UMAD1: variants seen among roughly 807,000 people sequenced by gnomAD.
UMAD1 encodes UBAP1-MVB12-associated (UMA)-domain containing protein 1.
A neutral mutation model predicts 6.1 loss-of-function variants in UMAD1; 8 were observed. The ratio of observed to expected loss-of-function variants is 1.30; its 90% CI spans 0.76 to 2.35. UMAD1 has a LOEUF of 2.35. UMAD1 is among the 30% of genes most tolerant of loss of function. The pLI is 0.00. For synonymous variants in UMAD1, 56 were observed against 31.4 expected (o/e 1.78, Z -2.61); for missense variants, 130 against 78.4 (o/e 1.66, Z -2.49).
chr7:7,678,742 G>T, intron 2 of UMAD1, among the ~76,000 whole-genome samples: 10 of 116,138 alleles, frequency 8.6e-5, no homozygotes, highest in African/African-American at 1.1e-4. Flanking sequence ...TATATATTTA[G>T]TTTATAAATA....
chr7:7,824,938 A>C (rs995573113), intron 3 of UMAD1, among the ~76,000 whole-genome samples: 1 of 152,124 alleles, frequency 6.6e-6, no homozygotes, highest in East Asian at 1.9e-4. Flanking sequence ...TTATTAGTTA[A>C]CTGGGTTTTG....
At chr7:7,861,464 A>G (rs1276509824) in intron 3 of UMAD1, among the ~76,000 whole-genome samples, 1 of 152,236 alleles carries the variant, frequency 6.6e-6, no homozygotes, top group Non-Finnish European at 1.5e-5. Flanking sequence ...GCCAAGGTCA[A>G]GTGACACAGC....
At chr7:7,645,145 G>T (rs1334900340) in intron 1 of UMAD1, among the ~76,000 whole-genome samples, 15 of 151,154 alleles carry the variant, frequency 9.9e-5, no homozygotes, top group African/African-American at 3.2e-4. Context: ...AGTTTTTTTT[G>T]GAATTTTCTA....
At chr7:7,728,734 G>A (rs1313905265) in intron 2 of UMAD1, among the ~76,000 whole-genome samples, 2 of 152,038 alleles carry the variant, frequency 1.3e-5, no homozygotes, top group Non-Finnish European at 2.9e-5. Context: ...TCAAGAAGTG[G>A]TATCTCTTGC....
intron 2 of UMAD1, among the ~76,000 whole-genome samples, chr7:7,783,401 T>G (rs1008980844): frequency 2.2e-4 from 34 of 151,968 alleles, no homozygotes; most frequent in African/African-American, 7.0e-4. Flanking sequence ...AAGTTGTTTT[T>G]TTTTTTTTTT....
chr7:7,705,159 G>A (rs1337570891), intron 2 of UMAD1, among the ~76,000 whole-genome samples: 1 of 152,134 alleles, frequency 6.6e-6, no homozygotes, highest in African/African-American at 2.4e-5. Flanking sequence ...GATGAGAAGA[G>A]ATCTCAACTT....
chr7:7,642,436 G>GGT (rs934995958), intron 1 of UMAD1, among the ~76,000 whole-genome samples: 22 of 150,876 alleles, frequency 1.5e-4, no homozygotes, highest in African/African-American at 5.4e-4. Context: ...TGGAATTACA[G>GGT]GTGTGAGCCT....
At chr7:7,796,491 TC>T (rs1456669384) in intron 2 of UMAD1, among the ~76,000 whole-genome samples, 1 of 152,108 alleles carries the variant, frequency 6.6e-6, no homozygotes, top group African/African-American at 2.4e-5. Context: ...CCTCAGGTGA[TC>T]CGCCTGCCTC....
At chr7:7,720,378 C>T (rs1172798843) in intron 2 of UMAD1, among the ~76,000 whole-genome samples, 1 of 152,118 alleles carries the variant, frequency 6.6e-6, no homozygotes, top group Non-Finnish European at 1.5e-5. Flanking sequence ...TCTTCCCCAT[C>T]ACTTCTGATT....
chr7:7,842,578 T>G (rs1783702773), intron 3 of UMAD1, among the ~76,000 whole-genome samples: 1 of 151,892 alleles, frequency 6.6e-6, no homozygotes, highest in Admixed American at 6.6e-5. Context: ...CTGATGGTAT[T>G]GAGTAAAATG....
At chr7:7,698,434 G>A (rs991594715) in intron 2 of UMAD1, among the ~76,000 whole-genome samples, 1 of 152,210 alleles carries the variant, frequency 6.6e-6, no homozygotes, top group African/African-American at 2.4e-5. Flanking sequence ...GACTTTCAGT[G>A]TTTTTACAGC....
rs925716853 is a variant in UMAD1, at chr7:7,863,458, G to A, written c.157-13823G>A. Among the ~76,000 whole-genome samples the A allele has an allele frequency of 2.6e-5, 4 of 152,282 alleles. No homozygotes were observed. The South Asian group carries it at 6.2e-4, about 24-fold the overall frequency. On this transcript the variant is annotated intron_variant, in intron 3 of 3. Coordinates refer to ENST00000682710, the MANE Select transcript of UMAD1 (RefSeq NM_001302348.2). ...ATGAAACTTTGATAAAATTGTACCA[G>A]TATGTTGTTTCGTATAGTACTATGG...
intron 2 of UMAD1, among the ~76,000 whole-genome samples, chr7:7,787,460 A>C (rs1477302724): frequency 2.0e-5 from 3 of 152,232 alleles, no homozygotes; most frequent in Non-Finnish European, 2.9e-5. Flanking sequence ...GTTTAAAATT[A>C]ATCAAATACA....
intron 3 of UMAD1, among the ~76,000 whole-genome samples, chr7:7,866,836 G>A (rs1221712158): frequency 6.6e-6 from 1 of 152,180 alleles, no homozygotes; most frequent in Non-Finnish European, 1.5e-5. Flanking sequence ...GCTACAAGTG[G>A]TAGGGAGAGT....
chr7:7,873,978 C>T (rs1784373307), intron 3 of UMAD1, among the ~76,000 whole-genome samples: 1 of 152,146 alleles, frequency 6.6e-6, no homozygotes, highest in South Asian at 2.1e-4. Context: ...ATTATATCCC[C>T]CTGCCTACTA....
chr7:7,842,165 A>G (rs1332784733), intron 3 of UMAD1, among the ~76,000 whole-genome samples: 1 of 152,158 alleles, frequency 6.6e-6, no homozygotes, highest in Non-Finnish European at 1.5e-5. Flanking sequence ...TGAAATTCCC[A>G]ACTGTTCATT....
chr7:7,754,837 AT>A (rs1176585264), intron 2 of UMAD1, among the ~76,000 whole-genome samples: 1 of 152,104 alleles, frequency 6.6e-6, no homozygotes, highest in Non-Finnish European at 1.5e-5. Context: ...GTATATACAT[AT>A]TTTTTTCCAC....
At chr7:7,789,620 C>CG (rs1563207557) in intron 2 of UMAD1, among the ~76,000 whole-genome samples, 1 of 129,076 alleles carries the variant, frequency 7.7e-6, no homozygotes, top group African/African-American at 3.1e-5. Context: ...TACCCCTTCT[C>CG]CCCTCCCCAC....
intron 1 of UMAD1, among the ~76,000 whole-genome samples, chr7:7,656,065 C>T (rs937519745): frequency 2.6e-5 from 4 of 152,090 alleles, no homozygotes; most frequent in African/African-American, 9.7e-5. Context: ...AAACTCTCAA[C>T]CTCAGGTGAT....
Sources: gnomAD v4.1 joint callset for allele counts (sites outside exome capture counted in the v4.1 genomes callset) on GRCh38, gnomAD v4.1.1 for gene constraint, MANE v1.5 for transcripts, NCBI Gene and HGNC (gene_info 2026-07-23, HGNC 2026-07-21) for gene names.